The following ALCAM variants were observed in gnomAD, a reference collection of about 807,000 sequenced individuals.
ALCAM encodes CD166 antigen.
In ALCAM, 30 loss-of-function variants were observed where a neutral mutation model predicts 70.9. That is an observed-to-expected ratio of 0.42 (90% CI 0.32 to 0.57). The LOEUF is 0.57. Among genes scored for constraint, ALCAM ranks in the 20% least tolerant of loss-of-function variants. ALCAM has a pLI of 0.11. For missense variants in ALCAM, 591 were observed against 695.1 expected, an observed-to-expected ratio of 0.85 and a Z score of 1.68; for synonymous variants, 249 against 242.5, an observed-to-expected ratio of 1.03 and a Z score of -0.25.
intron 14 of ALCAM, among the ~76,000 whole-genome samples, chr3:105,558,196 G>A (rs968442076): frequency 3.3e-5 from 5 of 151,994 alleles, no homozygotes; most frequent in African/African-American, 1.2e-4. Flanking sequence ...CAACAGCTGT[G>A]GTACCTTCTG....
chr3:105,488,493 C>G (rs963115800), intron 1 of ALCAM, among the ~76,000 whole-genome samples: 1 of 151,962 alleles, frequency 6.6e-6, no homozygotes, highest in African/African-American at 2.4e-5. Flanking sequence ...AACATTACTA[C>G]AAATTTGGAT....
rs780960968 is a variant in ALCAM, at chr3:105,533,594, A to G, written c.460-9A>G. 1 of 1,609,090 alleles carries G rather than the reference A, an allele frequency of 6.2e-7. No individual in the cohort carries two copies. The highest frequency in any genetic ancestry group is 8.5e-7 in the Non-Finnish European group (1 of 1,176,516). On this transcript the variant is annotated splice_polypyrimidine_tract_variant and intron_variant, in intron 4 of 15. Coordinates refer to ENST00000306107, the MANE Select transcript of ALCAM (RefSeq NM_001627.4). Reference sequence around the variant, plus strand: ...ACCAAGGTAATAACATTGCCTTTTTATTTTGCAGTTGGGTGACTGCATTTC... The same window carrying G: ...ACCAAGGTAATAACATTGCCTTTTTGTTTTGCAGTTGGGTGACTGCATTTC...
At chr3:105,477,255 T>C (rs1008498283) in intron 1 of ALCAM, among the ~76,000 whole-genome samples, 17 of 152,122 alleles carry the variant, frequency 1.1e-4, no homozygotes, top group Admixed American at 3.3e-4. Context: ...ATGCTCTTCA[T>C]TTTTTTCAGA....
At position 105,383,566 on chromosome 3, in the gene ALCAM, A is replaced by G. The variant is rs531496010; in HGVS notation, c.73+16085A>G. 2.0e-4 allele frequency among the ~76,000 whole-genome samples: 30 copies of G among 151,850 alleles called. No homozygotes were observed. In the South Asian group the frequency reaches 6.0e-3, roughly 30 times the overall value. ...GAAAATTGTTCAATTTCTTTTAAAA[A>G]TTGAGGGAATGACAACTCTCCTAAA... On this transcript the variant is annotated intron_variant, in intron 1 of 15. Coordinates refer to ENST00000306107, the MANE Select transcript of ALCAM (RefSeq NM_001627.4).
At chr3:105,509,307 G>A (rs145908978) in intron 1 of ALCAM, among the ~76,000 whole-genome samples, 4 of 151,928 alleles carry the variant, frequency 2.6e-5, no homozygotes, top group East Asian at 3.9e-4. Flanking sequence ...CATAATTGCT[G>A]TACCAATTTA....
In ALCAM at chr3:105,575,336, C is replaced by T. The variant is rs1486083706; in HGVS notation, c.*885C>T. 1.3e-5 allele frequency: 2 copies of T among 152,446 alleles called. No individual in the cohort carries two copies. The highest frequency in any genetic ancestry group is 2.9e-5 in the Non-Finnish European group (2 of 67,996). 9.4% of individuals were successfully genotyped at this position (152,446 alleles called of 1,614,324 possible). A position where few individuals can be genotyped will look rare whatever the true frequency, so the allele number is the denominator to read the frequency against. ...TATAATTACAAATTGGTGTTAAATC[C>T]TTTGGGTTATCCACTGCCTTAAAAT... On this transcript the variant is annotated 3_prime_UTR_variant, in exon 16 of 16. Transcript: ENST00000306107.
At chr3:105,526,530 A>G (rs1576222216) in intron 3 of ALCAM, among the ~76,000 whole-genome samples, 1 of 152,274 alleles carries the variant, frequency 6.6e-6, no homozygotes, top group African/African-American at 2.4e-5. Flanking sequence ...AGTGATTCTC[A>G]GAAACAGAAT....
At chr3:105,398,276 A>G (rs1936003333) in intron 1 of ALCAM, among the ~76,000 whole-genome samples, 1 of 152,054 alleles carries the variant, frequency 6.6e-6, no homozygotes, top group Admixed American at 6.6e-5. Context: ...ATGCATGCCC[A>G]CTGCAGCTCC....
Position 105,571,860 on chromosome 3 carries a change from C to G in ALCAM, c.1673C>G (p.Ser558Ter). Reference sequence around the variant, plus strand: ...ATTTAATTCTCTTACAGGACTGCATCAAAACATGTAAACAAGGACCTCGGT... The same window carrying G: ...ATTTAATTCTCTTACAGGACTGCATGAAAACATGTAAACAAGGACCTCGGT... ...WLYMKKSKTASKHVNKDLGNM... is the reference protein window; with the variant it reads ...WLYMKKSKTA The change falls in exon 15 of 16, where the codon TCA becomes TGA. Residue 558 changes from serine to a stop codon, truncating the protein, a stop_gained. Coordinates refer to ENST00000306107, the MANE Select transcript of ALCAM (RefSeq NM_001627.4). LOFTEE classifies it high-confidence loss of function. 6.2e-7 allele frequency: 1 copy of G among 1,610,248 alleles called. No individual in the cohort carries two copies. The highest frequency in any genetic ancestry group is 8.5e-7 in the Non-Finnish European group (1 of 1,177,196).
intron 1 of ALCAM, among the ~76,000 whole-genome samples, chr3:105,493,538 CAG>C (rs534839453): frequency 1.1e-3 from 173 of 152,096 alleles, no homozygotes; most frequent in African/African-American, 3.6e-3. Context: ...GGCCTTAAAA[CAG>C]AGCCACTTCC....
chr3:105,572,099 T>G lies in ALCAM; in HGVS notation c.*25+135T>G, dbSNP rs1163020587. 1.8e-5 allele frequency: 10 copies of G among 562,284 alleles called. No homozygotes were observed. The East Asian group carries it at 2.3e-4, about 13-fold the overall frequency. The allele number at this position is 562,284 out of a possible 1,614,324, so 34.8% of individuals were successfully genotyped here. On this transcript the variant is annotated intron_variant, in intron 15 of 15. Transcript: ENST00000306107. ...AGGAAGAGAGGGGTTTTTTTTCTTT[T>G]TATTATGCTTTAAGTTCTCAGATAC...
At chr3:105,547,073 G>T (rs149966211) in intron 9 of ALCAM, 76 bp from the exon 10 acceptor site, 12,824 of 1,235,116 alleles carry the variant, frequency 0.01, 97 homozygotes, top group Non-Finnish European at 0.012. Context: ...ATTGTTTTAG[G>T]CTTAATTATT....
chr3:105,511,521 C>T (rs1427893215), intron 1 of ALCAM, among the ~76,000 whole-genome samples: 1 of 151,992 alleles, frequency 6.6e-6, no homozygotes, highest in South Asian at 2.1e-4. Flanking sequence ...CCGTAATATT[C>T]TTCCTATGAC....
At chr3:105,550,375 AT>A in intron 12 of ALCAM, 116 bp downstream of exon 12, 1 of 1,073,466 alleles carries the variant, frequency 9.3e-7, no homozygotes, top group Non-Finnish European at 1.3e-6. Flanking sequence ...TTATTTATTT[AT>A]TTTGCATTTG....
intron 1 of ALCAM, among the ~76,000 whole-genome samples, chr3:105,371,619 G>A (rs1290207204): frequency 6.6e-6 from 1 of 151,476 alleles, no homozygotes; most frequent in Non-Finnish European, 1.5e-5. Flanking sequence ...ATATTACTTG[G>A]TGTAAGATGG....
chr3:105,555,431 G>A (rs963031227), intron 14 of ALCAM, among the ~76,000 whole-genome samples: 3 of 151,958 alleles, frequency 2.0e-5, no homozygotes, highest in Admixed American at 6.6e-5. Context: ...AAATAAGCAG[G>A]CATTTTTGGA....
chr3:105,551,087 C>T (rs1372972724), intron 12 of ALCAM, among the ~76,000 whole-genome samples: 5 of 151,544 alleles, frequency 3.3e-5, no homozygotes, highest in Admixed American at 2.6e-4. Context: ...ATGACATTAG[C>T]AGGCTAGGAC....
Position 105,454,653 on chromosome 3 carries a change from ATTTTTTTTTTTTTTT to A in ALCAM, c.74-65394_74-65380del, listed in dbSNP as rs59389132. ...ATTGGCACATAGTAGATGCTCATTA[ATTTTTTTTTTTTTTT>A]TTTTTTTTTTTTTTTTTTTGAGATG... On this transcript the variant is annotated intron_variant, in intron 1 of 15. Transcript: ENST00000306107. Among the ~76,000 whole-genome samples the A allele has an allele frequency of 1.3e-4, 8 of 61,754 alleles. No homozygotes were observed. In the South Asian group the frequency reaches 3.4e-3, roughly 26 times the overall value. The allele number at this position is 61,754 out of a possible 152,430, so 40.5% of individuals were successfully genotyped here.
chr3:105,459,971 T>C (rs923144664), intron 1 of ALCAM, among the ~76,000 whole-genome samples: 3 of 151,978 alleles, frequency 2.0e-5, no homozygotes, highest in Non-Finnish European at 4.4e-5. Flanking sequence ...ATAAATTGGA[T>C]TTTTTGATGA....
Sources: allele counts gnomAD v4.1 joint callset (sites outside exome capture counted in the v4.1 genomes callset), GRCh38; gene constraint gnomAD v4.1.1; transcripts MANE v1.5; gene names NCBI Gene and HGNC (gene_info 2026-07-23, HGNC 2026-07-21).